GATAD2B: variants seen among roughly 807,000 people sequenced by gnomAD.
GATAD2B encodes the protein GATA zinc finger domain containing 2B.
GATAD2B carries 8 observed loss-of-function variants against 64.3 expected under a neutral mutation model. The observed-to-expected ratio is 0.12, with a 90% CI of 0.07 to 0.22. The LOEUF is 0.22. Among genes scored for constraint, GATAD2B ranks in the 10% least tolerant of loss-of-function variants. The probability of loss-of-function intolerance (pLI) is 1.00; values close to 1 mark genes in which losing one functional copy is unlikely to be tolerated. For synonymous variants in GATAD2B, 281 were observed against 271.3 expected, an observed-to-expected ratio of 1.04 and a Z score of -0.35; for missense variants, 453 against 752.0, an observed-to-expected ratio of 0.60 and a Z score of 4.65.
At chr1:153,857,289 T>C (rs1676120927) in intron 1 of GATAD2B, among the ~76,000 whole-genome samples, 2 of 151,872 alleles carry the variant, frequency 1.3e-5, no homozygotes, top group Non-Finnish European at 2.9e-5. Context: ...CCACCAAAAA[T>C]ACAAAATTTA....
intron 1 of GATAD2B, among the ~76,000 whole-genome samples, chr1:153,920,366 C>T (rs1402820439): frequency 1.3e-5 from 2 of 152,164 alleles, no homozygotes; most frequent in East Asian, 1.9e-4. Context: ...AAATGGGGGA[C>T]AGCATACAAG....
intron 1 of GATAD2B, among the ~76,000 whole-genome samples, chr1:153,894,586 G>C (rs1304200501): frequency 6.6e-6 from 1 of 152,164 alleles, no homozygotes; most frequent in African/African-American, 2.4e-5. Flanking sequence ...TTACGGGCCA[G>C]GTACAGTGGC....
intron 2 of GATAD2B, chr1:153,827,494 A>G (rs1369847724): frequency 6.5e-6 from 1 of 154,668 alleles, no homozygotes; most frequent in Non-Finnish European, 1.4e-5. Flanking sequence ...GTACAAGTGA[A>G]TGTATATGTA....
intron 1 of GATAD2B, among the ~76,000 whole-genome samples, chr1:153,876,709 A>C (rs1489571280): frequency 6.6e-6 from 1 of 152,222 alleles, no homozygotes; most frequent in Non-Finnish European, 1.5e-5. Flanking sequence ...CATTTAGAAA[A>C]GGTGATATGA....
intron 1 of GATAD2B, 27 bp from the exon 2 acceptor site, chr1:153,828,375 T>C: frequency 6.4e-7 from 1 of 1,569,940 alleles, no homozygotes. Flanking sequence ...ACAAGTAAGA[T>C]CAGAATAAAG....
intron 6 of GATAD2B, among the ~76,000 whole-genome samples, chr1:153,817,061 A>AAG (rs1674502910): frequency 6.6e-6 from 1 of 152,124 alleles, no homozygotes; most frequent in Non-Finnish European, 1.5e-5. Flanking sequence ...ACAAACAAAA[A>AAG]AGAGACAGAA....
chr1:153,836,338 C>T (rs527873201), intron 1 of GATAD2B, among the ~76,000 whole-genome samples: 1 of 150,044 alleles, frequency 6.7e-6, no homozygotes, highest in East Asian at 2.0e-4. Flanking sequence ...TCACTGCAAG[C>T]CTCCCAGGTT....
chr1:153,860,009 A>G (rs768569246), intron 1 of GATAD2B, among the ~76,000 whole-genome samples: 4 of 133,162 alleles, frequency 3.0e-5, no homozygotes, highest in Non-Finnish European at 6.1e-5. Flanking sequence ...CCTCTGCCCC[A>G]GGTTCAAGCG....
chr1:153,817,906 G>A, intron 5 of GATAD2B, 134 bp downstream of exon 5: 1 of 729,980 alleles, frequency 1.4e-6, no homozygotes, highest in Non-Finnish European at 2.2e-6. Flanking sequence ...TGCCATAATG[G>A]GCCAACAGAA....
At chr1:153,852,606 T>G in intron 1 of GATAD2B, 1 of 784,216 alleles carries the variant, frequency 1.3e-6, no homozygotes, top group Non-Finnish European at 2.4e-6. Context: ...ATTGGCACTA[T>G]GCACACTCTT....
chr1:153,882,961 C>G (rs1557820840), intron 1 of GATAD2B, among the ~76,000 whole-genome samples: 1 of 152,178 alleles, frequency 6.6e-6, no homozygotes, highest in Non-Finnish European at 1.5e-5. Context: ...TCTTGGAGAT[C>G]TATTGGCTGA....
chr1:153,910,528 T>C (rs963799996), intron 1 of GATAD2B, among the ~76,000 whole-genome samples: 1 of 152,090 alleles, frequency 6.6e-6, no homozygotes, highest in Admixed American at 6.6e-5. Flanking sequence ...TCACCTGAGG[T>C]CAGGAGTTCA....
chr1:153,839,276 T>C (rs1675390596), intron 1 of GATAD2B, among the ~76,000 whole-genome samples: 1 of 152,122 alleles, frequency 6.6e-6, no homozygotes, highest in Non-Finnish European at 1.5e-5. Flanking sequence ...GTAAAGTTTC[T>C]GACAACATTA....
At chr1:153,866,805 C>T (rs767306045) in intron 1 of GATAD2B, among the ~76,000 whole-genome samples, 7 of 152,202 alleles carry the variant, frequency 4.6e-5, no homozygotes, top group Admixed American at 6.5e-5. Context: ...TGTTTTGAGA[C>T]GGAGTCTTGC....
chr1:153,877,127 G>C (rs1382277731), intron 1 of GATAD2B, among the ~76,000 whole-genome samples: 2 of 152,164 alleles, frequency 1.3e-5, no homozygotes, highest in African/African-American at 4.8e-5. Flanking sequence ...TTAAGGCCAG[G>C]AGTTTGAGAC....
chr1:153,854,381 C>T lies in GATAD2B; in HGVS notation c.-1-26033G>A, dbSNP rs760678698. 5.3e-5 allele frequency among the ~76,000 whole-genome samples: 8 copies of T among 151,928 alleles called. No homozygotes were observed. In the South Asian group the frequency reaches 8.3e-4, roughly 16 times the overall value. ...TCTTGCCACTGCACTCCAGCCTGGGCGACAGAGCAAGACTCCGTCTCAAAA... is the reference window on the plus strand; with the variant it reads ...TCTTGCCACTGCACTCCAGCCTGGGTGACAGAGCAAGACTCCGTCTCAAAA... On this transcript the variant is annotated intron_variant, in intron 1 of 10. Coordinates refer to ENST00000368655, the MANE Select transcript of GATAD2B (RefSeq NM_020699.4).
chr1:153,917,663 G>A (rs1252215351), intron 1 of GATAD2B, among the ~76,000 whole-genome samples: 2 of 152,146 alleles, frequency 1.3e-5, no homozygotes, highest in East Asian at 3.9e-4. Flanking sequence ...CCAAAGTGCT[G>A]GGATTACAGG....
chr1:153,852,267 T>G, intron 1 of GATAD2B: 1 of 1,217,770 alleles, frequency 8.2e-7, no homozygotes, highest in Non-Finnish European at 1.2e-6. Context: ...TAAAGATTCC[T>G]TCATTTTCTG....
At chr1:153,921,577 ATC>A (rs547914968) in intron 1 of GATAD2B, among the ~76,000 whole-genome samples, 6 of 149,488 alleles carry the variant, frequency 4.0e-5, no homozygotes, top group South Asian at 2.1e-4. Flanking sequence ...GTATCCCCCC[ATC>A]TCTCTCTCTC....
Sources: gnomAD v4.1 joint callset for allele counts (sites outside exome capture counted in the v4.1 genomes callset) on GRCh38, gnomAD v4.1.1 for gene constraint, MANE v1.5 for transcripts, NCBI Gene and HGNC (gene_info 2026-07-23, HGNC 2026-07-21) for gene names.